The following CUL4A variants were observed in gnomAD, a reference collection of about 807,000 sequenced individuals.
CUL4A encodes cullin 4A, also known as cullin-4A.
A neutral mutation model predicts 95.5 loss-of-function variants in CUL4A; 16 were observed. That is an observed-to-expected ratio of 0.17 (90% CI 0.11 to 0.25). The LOEUF (loss-of-function observed/expected upper bound fraction) is 0.25. Ranked by LOEUF, CUL4A falls within the 10% of genes least tolerant of loss-of-function variation. The probability of loss-of-function intolerance (pLI) is 1.00; values close to 1 mark genes in which losing one functional copy is unlikely to be tolerated. For synonymous variants in CUL4A, 380 were observed against 353.1 expected (o/e 1.08, Z -0.85); for missense variants, 610 against 937.0 (o/e 0.65, Z 4.56).
chr13:113,239,313 G>A (rs2041637325), intron 9 of CUL4A, 120 bp from the exon 10 acceptor site: 2 of 841,798 alleles, frequency 2.4e-6, no homozygotes, highest in African/African-American at 1.7e-5. Context: ...GCAGCGATGT[G>A]GAGACCCGCC....
chr13:113,256,925 CG>C (rs2042137120), intron 18 of CUL4A, among the ~76,000 whole-genome samples: 4 of 37,268 alleles, frequency 1.1e-4, no homozygotes, highest in African/African-American at 3.7e-4. Flanking sequence ...TTTTTTTTTT[CG>C]TTTTTTTTTT....
chr13:113,208,896 G>A, upstream of CUL4A: 1 of 1,389,346 alleles, frequency 7.2e-7, no homozygotes, highest in African/African-American at 1.5e-5. Context: ...CGGGCTGAGG[G>A]GTTTGGGGTC....
chr13:113,253,732 G>T (rs868615807), intron 16 of CUL4A, among the ~76,000 whole-genome samples: 9 of 152,146 alleles, frequency 5.9e-5, no homozygotes, highest in Non-Finnish European at 1.0e-4. Flanking sequence ...CATTTTCACG[G>T]ATTAATGAAT....
At chr13:113,215,843 C>G (rs1351364918) in intron 2 of CUL4A, among the ~76,000 whole-genome samples, 1 of 127,716 alleles carries the variant, frequency 7.8e-6, no homozygotes, top group South Asian at 3.0e-4. Context: ...CTGTGGAGGT[C>G]GCTGTGTGAC....
chr13:113,257,535 T>C (rs1344035798), intron 18 of CUL4A, among the ~76,000 whole-genome samples: 2 of 152,086 alleles, frequency 1.3e-5, no homozygotes. Flanking sequence ...AGCAGGTGTC[T>C]CACGTGGCAA....
At chr13:113,240,029 C>T (rs1270115114) in intron 10 of CUL4A, among the ~76,000 whole-genome samples, 1 of 152,166 alleles carries the variant, frequency 6.6e-6, no homozygotes, top group East Asian at 1.9e-4. Flanking sequence ...GTTTCGAAAG[C>T]ATTTCTTTGG....
At position 113,209,613 on chromosome 13, in the gene CUL4A, G is replaced by GC. The variant is rs2040268394; in HGVS notation, c.-15_-14insC. 9.6e-7 allele frequency: 1 copy of GC among 1,037,406 alleles called. No individual in the cohort carries two copies. The highest frequency in any genetic ancestry group is 1.2e-6 in the Non-Finnish European group (1 of 865,920). 64.3% of individuals were successfully genotyped at this position (1,037,406 alleles called of 1,614,324 possible). On this transcript the variant is annotated 5_prime_UTR_variant, in exon 1 of 20. Coordinates refer to ENST00000375440, the MANE Select transcript of CUL4A (RefSeq NM_001008895.4). ...GGCGGCGCTCGGGGCGGGGCGCGGC[G>GC]GTTCCGGCCCAGCCATGGCGGACGA...
chr13:113,220,678 A>G (rs530941265), intron 3 of CUL4A, among the ~76,000 whole-genome samples: 48 of 152,268 alleles, frequency 3.2e-4, no homozygotes, highest in African/African-American at 1.1e-3. Flanking sequence ...GAAAACGACT[A>G]TCTGATTACC....
chr13:113,222,760 G>A (rs1278067026), intron 3 of CUL4A, among the ~76,000 whole-genome samples: 1 of 152,206 alleles, frequency 6.6e-6, no homozygotes, highest in Non-Finnish European at 1.5e-5. Context: ...AATTAGCCGG[G>A]TGTGTGGTTC....
chr13:113,230,782 A>G (rs1250154027), intron 5 of CUL4A, among the ~76,000 whole-genome samples: 1 of 151,798 alleles, frequency 6.6e-6, no homozygotes, highest in Non-Finnish European at 1.5e-5. Flanking sequence ...TATTATTATT[A>G]TTTTTAGAGA....
At chr13:113,255,803 C>T (rs1338504066) in intron 18 of CUL4A, among the ~76,000 whole-genome samples, 1 of 152,238 alleles carries the variant, frequency 6.6e-6, no homozygotes, top group Admixed American at 6.5e-5. Context: ...CCTTCACCTA[C>T]TGAAGGACAT....
chr13:113,236,548 A>C (rs950740001), intron 8 of CUL4A, among the ~76,000 whole-genome samples: 1 of 152,198 alleles, frequency 6.6e-6, no homozygotes, highest in Non-Finnish European at 1.5e-5. Flanking sequence ...GGCTAAAATC[A>C]GCAATCCTTG....
intron 2 of CUL4A, 58 bp from the exon 3 acceptor site, chr13:113,218,883 GTTTT>G: frequency 1.7e-6 from 2 of 1,188,580 alleles, no homozygotes; most frequent in Middle Eastern, 1.9e-4. Context: ...TAACAATAGG[GTTTT>G]TTTATGAACC....
In CUL4A at chr13:113,246,118, C is replaced by T. The variant is rs116340326; in HGVS notation, c.1638+55C>T. Reference sequence around the variant, plus strand: ...CCCGCTGTCATGCCCTTACCAGGCACAGATATGTTGCCTTCAAGAATTGTT... The same window carrying T: ...CCCGCTGTCATGCCCTTACCAGGCATAGATATGTTGCCTTCAAGAATTGTT... On this transcript the variant is annotated intron_variant, in intron 15 of 19. Transcript: ENST00000375440. The T allele has an allele frequency of 1.7e-3, 2,307 of 1,325,980 alleles. 38 individuals carry two copies. The African/African-American group carries it at 0.03, about 17-fold the overall frequency. 82.1% of individuals were successfully genotyped at this position (1,325,980 alleles called of 1,614,324 possible). A position where few individuals can be genotyped will look rare whatever the true frequency, so the allele number is the denominator to read the frequency against.
At chr13:113,221,558 TG>T (rs2040898352) in intron 3 of CUL4A, among the ~76,000 whole-genome samples, 1 of 151,948 alleles carries the variant, frequency 6.6e-6, no homozygotes, top group African/African-American at 2.4e-5. Context: ...GGGTTTTTTT[TG>T]TTTTGTTTTT....
At chr13:113,208,587 G>A (rs1208206106), upstream of CUL4A, 2 of 1,607,598 alleles carry the variant, frequency 1.2e-6, no homozygotes, top group South Asian at 1.1e-5. Context: ...GCGCTCCCCG[G>A]CTAGGACCCA....
chr13:113,260,578 A>G (rs1408482983), intron 18 of CUL4A, 29 bp from the exon 19 acceptor site: 2 of 1,579,518 alleles, frequency 1.3e-6, no homozygotes, highest in Admixed American at 2.0e-5. Context: ...ACAGTTTTAC[A>G]CTTAACTTTT....
chr13:113,236,972 G>A, intron 9 of CUL4A, 82 bp downstream of exon 9: 1 of 913,824 alleles, frequency 1.1e-6, no homozygotes. Context: ...ATTACAAATA[G>A]CAGTGTTAGG....
At chr13:113,249,539 G>A (rs1297916949) in intron 15 of CUL4A, among the ~76,000 whole-genome samples, 7 of 152,186 alleles carry the variant, frequency 4.6e-5, no homozygotes, top group East Asian at 1.9e-4. Context: ...CCTTTTGGCC[G>A]CTGTGAATAA....
Sources: allele counts gnomAD v4.1 joint callset (sites outside exome capture counted in the v4.1 genomes callset), GRCh38; gene constraint gnomAD v4.1.1; transcripts MANE v1.5; gene names NCBI Gene and HGNC (gene_info 2026-07-23, HGNC 2026-07-21).